The following PCSK6 variants were observed in gnomAD, a reference collection of about 807,000 sequenced individuals.
The protein encoded by PCSK6 is proprotein convertase subtilisin/kexin type 6, also known as paired basic amino acid cleaving enzyme 4.
A neutral mutation model predicts 123.3 loss-of-function variants in PCSK6; 85 were observed. The ratio of observed to expected loss-of-function variants is 0.69; its 90% CI spans 0.58 to 0.83. The LOEUF is 0.83. Ranked by LOEUF, PCSK6 falls within the 40% of genes least tolerant of loss-of-function variation. The pLI is 0.00. For synonymous variants in PCSK6, 508 were observed against 516.0 expected (o/e 0.98, Z 0.21); for missense variants, 1,191 against 1,282.3 (o/e 0.93, Z 1.09).
intron 11 of PCSK6, among the ~76,000 whole-genome samples, chr15:101,371,502 A>G (rs1464506002): frequency 5.3e-5 from 8 of 152,266 alleles, no homozygotes; most frequent in Non-Finnish European, 1.0e-4. Flanking sequence ...TCCGAAGACT[A>G]GCATTGAAAA....
intron 6 of PCSK6, among the ~76,000 whole-genome samples, chr15:101,426,858 C>A (rs1596321291): frequency 6.7e-6 from 1 of 149,600 alleles, no homozygotes; most frequent in South Asian, 2.1e-4. Context: ...CTCACCAAGG[C>A]TCAGTGGCAG....
At chr15:101,483,013 G>C (rs1263432639) in intron 1 of PCSK6, among the ~76,000 whole-genome samples, 1 of 152,226 alleles carries the variant, frequency 6.6e-6, no homozygotes, top group African/African-American at 2.4e-5. Context: ...TCAGATAGGA[G>C]GGTTAAGACA....
chr15:101,380,205 G>A (rs564238183), intron 11 of PCSK6, among the ~76,000 whole-genome samples: 17 of 152,262 alleles, frequency 1.1e-4, no homozygotes, highest in African/African-American at 1.7e-4. Flanking sequence ...TCTAGACTCC[G>A]TGTGCTTTCA....
At chr15:101,438,359 T>C (rs1487727286) in intron 2 of PCSK6, among the ~76,000 whole-genome samples, 1 of 152,214 alleles carries the variant, frequency 6.6e-6, no homozygotes, top group East Asian at 1.9e-4. Context: ...TCTAAAGTAT[T>C]TACATAGAAA....
At chr15:101,429,230 T>C (rs1567214535) in intron 5 of PCSK6, among the ~76,000 whole-genome samples, 1 of 147,840 alleles carries the variant, frequency 6.8e-6, no homozygotes, top group African/African-American at 2.5e-5. Flanking sequence ...GGCATGCTGA[T>C]GGAGAAGGAA....
At chr15:101,458,634 C>T (rs899361906) in intron 1 of PCSK6, among the ~76,000 whole-genome samples, 13 of 152,302 alleles carry the variant, frequency 8.5e-5, no homozygotes, top group Admixed American at 1.3e-4. Flanking sequence ...ACCCGAAGCG[C>T]GACTGACGGT....
intron 11 of PCSK6, among the ~76,000 whole-genome samples, chr15:101,373,166 A>G (rs923502259): frequency 2.6e-5 from 4 of 152,074 alleles, no homozygotes; most frequent in African/African-American, 9.7e-5. Context: ...CTGCATAAAG[A>G]AGGCTGGGTT....
chr15:101,406,214 A>C (rs990518031), intron 6 of PCSK6, among the ~76,000 whole-genome samples: 10 of 46,450 alleles, frequency 2.2e-4, no homozygotes, highest in African/African-American at 6.3e-4. Context: ...ACAAGCCCAC[A>C]CACCCACACA....
chr15:101,403,590 C>A (rs901668312), intron 6 of PCSK6, among the ~76,000 whole-genome samples: 2 of 152,150 alleles, frequency 1.3e-5, no homozygotes, highest in African/African-American at 2.4e-5. Flanking sequence ...ATGAACCCTG[C>A]AGCCCAATGC....
At chr15:101,396,995 G>C (rs1223663092) in intron 7 of PCSK6, among the ~76,000 whole-genome samples, 18 of 152,112 alleles carry the variant, frequency 1.2e-4, no homozygotes, top group Non-Finnish European at 2.9e-5. Context: ...AGTAGAGGAG[G>C]AAGCTTCCGC....
intron 13 of PCSK6, among the ~76,000 whole-genome samples, chr15:101,355,959 C>G (rs552605258): frequency 1.3e-5 from 2 of 152,318 alleles, no homozygotes; most frequent in South Asian, 4.1e-4. Flanking sequence ...CCCTATCTTA[C>G]AGGAGAGGAG....
Position 101,417,587 on chromosome 15 carries a change from T to C in PCSK6, c.823+10305A>G, listed in dbSNP as rs190459138. Among the ~76,000 whole-genome samples, 926 of 152,242 alleles carry C rather than the reference T, an allele frequency of 6.1e-3. 6 individuals carry two copies. Among genetic ancestry groups the C allele is most frequent in the South Asian group, 0.026 (123 of 4,810 alleles). ...TGAAACGTACAATTATTCAGAAATA[T>C]ATAGCAAGAAAAGCACCATATAATT... On this transcript the variant is annotated intron_variant, in intron 6 of 21. Transcript: ENST00000611716.
intron 1 of PCSK6, among the ~76,000 whole-genome samples, chr15:101,487,013 A>G (rs1204196619): frequency 2.0e-5 from 3 of 152,232 alleles, no homozygotes; most frequent in Non-Finnish European, 4.4e-5. Context: ...AGTCAAAGCT[A>G]ATAATATCTA....
chr15:101,486,713 G>A (rs1405196740), intron 1 of PCSK6, among the ~76,000 whole-genome samples: 1 of 152,198 alleles, frequency 6.6e-6, no homozygotes, highest in Non-Finnish European at 1.5e-5. Flanking sequence ...TGGGCCATGT[G>A]AAATAAACTG....
intron 1 of PCSK6, chr15:101,463,102 T>A (rs756830748): frequency 1.1e-4 from 50 of 459,614 alleles, no homozygotes; most frequent in Non-Finnish European, 2.1e-4. Flanking sequence ...TTCCTAAAAC[T>A]GTAAGAGACC....
rs773470208 is a variant in PCSK6 at position 101,364,903 on chromosome 15, A to G, written c.1858+1293T>C. The G allele has an allele frequency of 1.2e-5, 8 of 649,158 alleles. No homozygotes were observed. The South Asian group carries it at 1.4e-4, about 12-fold the overall frequency. 40.2% of individuals were successfully genotyped at this position (649,158 alleles called of 1,614,324 possible). On this transcript the variant is annotated intron_variant, in intron 13 of 21. Coordinates refer to ENST00000611716, the MANE Select transcript of PCSK6 (RefSeq NM_002570.5). Reference sequence around the variant, plus strand: ...AGGACTCGCACTTTCTTATTTCAAAACTTACTACAAAGCTACAGTGATCAA... The same window carrying G: ...AGGACTCGCACTTTCTTATTTCAAAGCTTACTACAAAGCTACAGTGATCAA...
intron 1 of PCSK6, among the ~76,000 whole-genome samples, chr15:101,448,938 A>G (rs1359626877): frequency 6.6e-6 from 1 of 152,134 alleles, no homozygotes; most frequent in Non-Finnish European, 1.5e-5. Context: ...TCTGTATACG[A>G]GTGTGTGTGC....
chr15:101,482,148 G>A (rs1374497029), intron 1 of PCSK6, among the ~76,000 whole-genome samples: 1 of 152,266 alleles, frequency 6.6e-6, no homozygotes, highest in Non-Finnish European at 1.5e-5. Context: ...AAGCAGGTAC[G>A]AGGTGACAGC....
At chr15:101,349,482 C>T (rs1378242958) in intron 13 of PCSK6, among the ~76,000 whole-genome samples, 2 of 152,176 alleles carry the variant, frequency 1.3e-5, no homozygotes, top group South Asian at 4.1e-4. Flanking sequence ...ATTTGATTTT[C>T]CTCAGAGGCA....
Sources: allele counts gnomAD v4.1 joint callset (sites outside exome capture counted in the v4.1 genomes callset), GRCh38; gene constraint gnomAD v4.1.1; transcripts MANE v1.5; gene names NCBI Gene and HGNC (gene_info 2026-07-23, HGNC 2026-07-21).